KCNV2: variants seen among roughly 807,000 people sequenced by gnomAD.
The protein encoded by KCNV2 is potassium voltage-gated channel subfamily V member 2.
KCNV2 carries 65 observed loss-of-function variants against 37.0 expected under a neutral mutation model. The observed-to-expected ratio is 1.76, with a 90% CI of 1.44 to 2.16. The LOEUF is 2.16. KCNV2 is among the 30% of genes most tolerant of loss of function. The pLI, the probability that KCNV2 is intolerant of heterozygous loss-of-function variation, is 0.00. For missense variants in KCNV2, 1,232 were observed against 766.7 expected (o/e 1.61, Z -7.17); for synonymous variants, 518 against 328.6 (o/e 1.58, Z -6.23).
chr9:2,719,545 G>A (rs1259202649), intron 1 of KCNV2, among the ~76,000 whole-genome samples: 1 of 152,054 alleles, frequency 6.6e-6, no homozygotes, highest in Non-Finnish European at 1.5e-5. Flanking sequence ...AGAGAAGGAG[G>A]TGAGACTTGG....
rs191255252 is a variant in KCNV2, at chr9:2,728,525, A to C, written c.1357-921A>C. ...TTTAAAACAGAAGCTTGTTAACCTA[A>C]ATAAGTCTCCAATTAGTGGGATTTA... On this transcript the variant is annotated intron_variant, in intron 1 of 1. Transcript: ENST00000382082. Among the ~76,000 whole-genome samples, 50 of 152,324 alleles carry C rather than the reference A, an allele frequency of 3.3e-4. 1 individual carries two copies. The South Asian group carries it at 9.7e-3, about 30-fold the overall frequency.
rs780069100 is a variant in KCNV2 at position 2,718,891 on chromosome 9, C to A, written c.1152C>A (p.Ile384=). The A allele has an allele frequency of 3.1e-6, 5 of 1,608,934 alleles. No homozygotes were observed. The highest frequency in any genetic ancestry group is 4.2e-6 in the Non-Finnish European group (5 of 1,180,000). ...TGCGCGTCATGCGCCTCATGCGCAT[C>A]TTCCGCATCCTCAAGCTGGCGCGCC... ...QVLRVMRLMR[I]FRILKLARHS... The change falls in exon 1 of 2, where the codon ATC becomes ATA. Residue 384 remains isoleucine (I), a synonymous_variant. Coordinates refer to ENST00000382082, the MANE Select transcript of KCNV2 (RefSeq NM_133497.4).
At chr9:2,729,130 C>A (rs1820019738) in intron 1 of KCNV2, among the ~76,000 whole-genome samples, 1 of 152,156 alleles carries the variant, frequency 6.6e-6, no homozygotes, top group Non-Finnish European at 1.5e-5. Context: ...ACTTAACATA[C>A]TATTTTAAAT....
In KCNV2 at chr9:2,718,655, G is replaced by A. The variant is rs104894114; in HGVS notation, c.916G>A (p.Glu306Lys). The A allele has an allele frequency of 4.3e-6, 7 of 1,613,320 alleles. No homozygotes were observed. The highest frequency in any genetic ancestry group is 3.3e-5 in the South Asian group (3 of 91,090). Reference sequence around the variant, plus strand: ...CCTGCGGCCCATCCTGGAGCACGTGGAGATGCTGTGCATGGGCTTCTTCAC... The same window carrying A: ...CCTGCGGCCCATCCTGGAGCACGTGAAGATGCTGTGCATGGGCTTCTTCAC... ...PDLRPILEHV[E>K]MLCMGFFTLE... The change falls in exon 1 of 2, where the codon GAG becomes AAG. Residue 306 changes from glutamate to lysine, a missense_variant. Glu to Lys is a moderately conservative substitution (Grantham distance 56). Coordinates refer to ENST00000382082, the MANE Select transcript of KCNV2 (RefSeq NM_133497.4).
chr9:2,718,724 C>G lies in KCNV2; in HGVS notation c.985C>G (p.Arg329Gly). ...CCTAGCCTCCACGCCCGACCTGAGG[C>G]GCTTCGCGCGCAGCGCCCTCAACCT... The part of the protein sequence containing the change: ...LRLASTPDLR[R>G]FARSALNLVD... Residue 329 changes from arginine (R) to glycine (G), a missense_variant, in exon 1 of 2, where the codon CGC becomes GGC. Transcript: ENST00000382082. 2 of 1,612,534 alleles carry G rather than the reference C, an allele frequency of 1.2e-6. No individual in the cohort carries two copies. Among genetic ancestry groups the G allele is most frequent in the Non-Finnish European group, 1.7e-6 (2 of 1,179,846 alleles).
At chr9:2,724,073 T>A (rs1819929957) in intron 1 of KCNV2, among the ~76,000 whole-genome samples, 2 of 150,586 alleles carry the variant, frequency 1.3e-5, no homozygotes, top group South Asian at 4.2e-4. Context: ...TAGAAAAGAG[T>A]AAGTAGACTT....
chr9:2,720,775 T>C (rs910660546), intron 1 of KCNV2, among the ~76,000 whole-genome samples: 1 of 152,244 alleles, frequency 6.6e-6, no homozygotes, highest in African/African-American at 2.4e-5. Flanking sequence ...AAAAGTTTTT[T>C]CGACCTTTTG....
Position 2,717,606 on chromosome 9 carries a change from C to A in KCNV2, c.-134C>A, listed in dbSNP as rs1267201567. On this transcript the variant is annotated 5_prime_UTR_variant, in exon 1 of 2. Coordinates refer to ENST00000382082, the MANE Select transcript of KCNV2 (RefSeq NM_133497.4). ...AGCTCCGGTGGCAATGTCTGAGCCC[C>A]TAGCTGTGCTGGTCCGGGCTGGCCT... 64 of 1,152,592 alleles carry A rather than the reference C, an allele frequency of 5.6e-5. No homozygotes were observed. Among genetic ancestry groups the A allele is most frequent in the Non-Finnish European group, 7.6e-5 (60 of 787,152 alleles). 71.4% of individuals were successfully genotyped at this position (1,152,592 alleles called of 1,614,324 possible). A position where few individuals can be genotyped will look rare whatever the true frequency, so the allele number is the denominator to read the frequency against.
At chr9:2,728,782 C>G (rs907487203) in intron 1 of KCNV2, among the ~76,000 whole-genome samples, 2 of 151,492 alleles carry the variant, frequency 1.3e-5, no homozygotes, top group Non-Finnish European at 2.9e-5. Context: ...AGTTTCATGC[C>G]TTTTGTATGC....
chr9:2,721,341 G>A (rs137968700), intron 1 of KCNV2, among the ~76,000 whole-genome samples: 1 of 152,298 alleles, frequency 6.6e-6, no homozygotes, highest in African/African-American at 2.4e-5. Flanking sequence ...AATTGCCCTT[G>A]AATATTCTAA....
At chr9:2,719,743 T>C (rs1270622651) in intron 1 of KCNV2, among the ~76,000 whole-genome samples, 1 of 152,252 alleles carries the variant, frequency 6.6e-6, no homozygotes, top group African/African-American at 2.4e-5. Context: ...GACTCACAGC[T>C]AGAGGTGGCA....
In KCNV2 at chr9:2,729,539, C is replaced by G. The variant is rs751469554; in HGVS notation, c.1450C>G (p.Leu484Val). Residue 484 changes from leucine (L) to valine (V), a missense_variant, in exon 2 of 2, where the codon CTC becomes GTC. Leu to Val is a conservative substitution (Grantham distance 32, BLOSUM62 1). Coordinates refer to ENST00000382082, the MANE Select transcript of KCNV2 (RefSeq NM_133497.4). ...AFLCIAFGII[L>V]NGMPISILYN... ...CCTCTGCATTGCTTTTGGGATCATT[C>G]TCAACGGGATGCCCATTTCCATCCT... is the stretch of plus-strand genomic sequence containing the variant. 2 of 1,614,120 alleles carry G rather than the reference C, an allele frequency of 1.2e-6. No individual in the cohort carries two copies. The highest frequency in any genetic ancestry group is 1.7e-6 in the Non-Finnish European group (2 of 1,180,016).
Position 2,719,505 on chromosome 9 carries a change from C to G in KCNV2, c.1356+410C>G, listed in dbSNP as rs1819823073. Among the ~76,000 whole-genome samples, 3 of 151,708 alleles carry G rather than the reference C, an allele frequency of 2.0e-5. No individual in the cohort carries two copies. The South Asian group carries it at 6.2e-4, about 32-fold the overall frequency. ...TTAAGGGGACAAGCAGAAATGGCTT[C>G]AGTTTTTGAAAGAAACTGTAGATTT... On this transcript the variant is annotated intron_variant, in intron 1 of 1. Coordinates refer to ENST00000382082, the MANE Select transcript of KCNV2 (RefSeq NM_133497.4).
rs1165035663 is a variant in KCNV2, at chr9:2,718,430, G to C, written c.691G>C (p.Glu231Gln). ...RAQAQVEEAE[E>Q]LFRDMRFYGP... ...GCAGGCGCAGGTCGAGGAGGCGGAGGAACTCTTCCGCGACATGCGCTTCTA... is the reference window on the plus strand; with the variant it reads ...GCAGGCGCAGGTCGAGGAGGCGGAGCAACTCTTCCGCGACATGCGCTTCTA... Residue 231 changes from glutamate (E) to glutamine (Q), a missense_variant, in exon 1 of 2, where the codon GAA (glutamate) becomes CAA (glutamine). Physicochemically the swap from Glu to Gln is conservative, Grantham distance 29 (BLOSUM62 2). Coordinates refer to ENST00000382082, the MANE Select transcript of KCNV2 (RefSeq NM_133497.4). 5 of 1,606,094 alleles carry C rather than the reference G, an allele frequency of 3.1e-6. No homozygotes were observed. The highest frequency in any genetic ancestry group is 1.7e-4 in the Middle Eastern group (1 of 5,978).
At position 2,718,990 on chromosome 9, in the gene KCNV2, C is replaced by T; in HGVS notation, c.1251C>T (p.Phe417=). The T allele has an allele frequency of 6.2e-7, 1 of 1,612,294 alleles. No individual in the cohort carries two copies. Residue 417 remains phenylalanine (F), a synonymous_variant, in exon 1 of 2, where the codon TTC becomes TTT. Coordinates refer to ENST00000382082, the MANE Select transcript of KCNV2 (RefSeq NM_133497.4). ...AGCAGGTGGGCTGCCTGCTGCTCTT[C>T]ATCGCCATGGGCATCTTCACTTTCT... ...CYQQVGCLLL[F]IAMGIFTFSA... is the part of the protein sequence containing the mutation.
chr9:2,729,825 C>A lies in KCNV2; in HGVS notation c.*98C>A. ...ATTGGCAGCAAAAGGAAATGTGAAG[C>A]AGACATACACAAAGGCCATTTCGTT... On this transcript the variant is annotated 3_prime_UTR_variant, in exon 2 of 2. Coordinates refer to ENST00000382082, the MANE Select transcript of KCNV2 (RefSeq NM_133497.4). 7.7e-7 allele frequency: 1 copy of A among 1,306,082 alleles called. No individual in the cohort carries two copies. Among genetic ancestry groups the A allele is most frequent in the Non-Finnish European group, 1.1e-6 (1 of 907,816 alleles). The allele number at this position is 1,306,082 out of a possible 1,614,324, so 80.9% of individuals were successfully genotyped here.
rs1352189032 is a variant in KCNV2, at chr9:2,729,795, T to C, written c.*68T>C. The C allele has an allele frequency of 1.2e-5, 18 of 1,514,280 alleles. No individual in the cohort carries two copies. The highest frequency in any genetic ancestry group is 2.8e-5 in the African/African-American group (2 of 72,364). The allele number at this position is 1,514,280 out of a possible 1,614,324, so 93.8% of individuals were successfully genotyped here. On this transcript the variant is annotated 3_prime_UTR_variant, in exon 2 of 2. Transcript: ENST00000382082. ...GGCTTCATTGCTCTTTTTTTAATCA[T>C]TATGATTGGCAGCAAAAGGAAATGT...
At position 2,718,612 on chromosome 9, in the gene KCNV2, G is replaced by C. The variant is rs139044338; in HGVS notation, c.873G>C (p.Gln291His). The change falls in exon 1 of 2, where the codon CAG becomes CAC. Residue 291 changes from glutamine to histidine, a missense_variant. By Grantham distance (24) the Gln-to-His change is conservative. Coordinates refer to ENST00000382082, the MANE Select transcript of KCNV2 (RefSeq NM_133497.4). ...AGGAGATGCAGCAGCACTCGGGGCAGGGCGAGGGCGGCCCAGACCTGCGGC... is the reference window on the plus strand; with the variant it reads ...AGGAGATGCAGCAGCACTCGGGGCACGGCGAGGGCGGCCCAGACCTGCGGC... Reference protein sequence around the residue: ...TVEEMQQHSGQGEGGPDLRPI... With the variant: ...TVEEMQQHSGHGEGGPDLRPI... 5.0e-6 allele frequency: 8 copies of C among 1,612,994 alleles called. No homozygotes were observed. In the South Asian group the frequency reaches 6.6e-5, roughly 13 times the overall value.
intron 1 of KCNV2, among the ~76,000 whole-genome samples, chr9:2,724,803 G>T (rs79785730): frequency 6.4e-4 from 97 of 152,324 alleles, no homozygotes; most frequent in African/African-American, 2.3e-3. Flanking sequence ...CAGTGGGCAA[G>T]AGAATCTGGG....
Sources: allele counts gnomAD v4.1 joint callset (sites outside exome capture counted in the v4.1 genomes callset), GRCh38; gene constraint gnomAD v4.1.1; transcripts MANE v1.5; gene names NCBI Gene and HGNC (gene_info 2026-07-23, HGNC 2026-07-21).